Variants in CCDC3 observed in about 807,000 individuals in gnomAD.
The protein encoded by CCDC3 is coiled-coil domain-containing protein 3.
In CCDC3, 24 loss-of-function variants were observed where a neutral mutation model predicts 21.4. The observed-to-expected ratio is 1.12, with a 90% CI of 0.81 to 1.58. The LOEUF is 1.58. Among genes scored for constraint, CCDC3 ranks in the 40% most tolerant of loss-of-function variants. The pLI is 0.00. For synonymous variants in CCDC3, 186 were observed against 166.0 expected (o/e 1.12, Z -0.93); for missense variants, 425 against 360.9 (o/e 1.18, Z -1.44).
At chr10:12,998,191 G>T in intron 2 of CCDC3, 147 bp downstream of exon 2, 1 of 755,880 alleles carries the variant, frequency 1.3e-6, no homozygotes, top group Non-Finnish European at 2.0e-6. Context: ...AGGTAAGGAG[G>T]GATAGCAGGA....
intron 5 of CCDC3, among the ~76,000 whole-genome samples, chr10:13,039,988 G>T (rs775373966): frequency 4.0e-5 from 6 of 151,712 alleles, no homozygotes; most frequent in Non-Finnish European, 8.8e-5. Context: ...AATGGTCTCT[G>T]GCATCCTCCC....
chr10:12,969,646 ATG>A (rs988743461), intron 2 of CCDC3, among the ~76,000 whole-genome samples: 3 of 150,360 alleles, frequency 2.0e-5, no homozygotes, highest in African/African-American at 7.3e-5. Flanking sequence ...TATAATATAT[ATG>A]GTAGGATATT....
chr10:13,099,194 C>T (rs1022048885), exon 2 of CCDC3: 1 of 152,482 alleles, frequency 6.6e-6, no homozygotes, highest in Non-Finnish European at 1.5e-5. Flanking sequence ...CTGCCCTGCT[C>T]TTGGGGTTAG....
chr10:13,063,138 C>T (rs189443192), intron 4 of CCDC3, among the ~76,000 whole-genome samples: 86 of 113,938 alleles, frequency 7.5e-4, no homozygotes, highest in African/African-American at 2.8e-3. Context: ...CTTTGCTCCC[C>T]GAATGTTCGG....
chr10:12,905,511 C>T (rs928343903), intron 2 of CCDC3, among the ~76,000 whole-genome samples: 1 of 152,222 alleles, frequency 6.6e-6, no homozygotes, highest in Non-Finnish European at 1.5e-5. Context: ...GAAAAAAACA[C>T]CTGGTGCCAG....
At chr10:12,951,822 A>AAAAC (rs1302135001) in intron 2 of CCDC3, among the ~76,000 whole-genome samples, 1 of 151,132 alleles carries the variant, frequency 6.6e-6, no homozygotes, top group Non-Finnish European at 1.5e-5. Context: ...AAAAAAAAAA[A>AAAAC]AAAAAGTTGT....
At chr10:12,918,973 G>T (rs183330931) in intron 2 of CCDC3, among the ~76,000 whole-genome samples, 1 of 152,064 alleles carries the variant, frequency 6.6e-6, no homozygotes, top group Non-Finnish European at 1.5e-5. Flanking sequence ...GAGAATGGGC[G>T]TGAACCCGGG....
chr10:13,059,370 C>T (rs607742), intron 4 of CCDC3, among the ~76,000 whole-genome samples: 87,872 of 151,978 alleles, frequency 0.58, 26,389 homozygotes, highest in African/African-American at 0.74. Context: ...TAAGTTTTTA[C>T]TGGTTAAGCA....
At chr10:12,951,804 CAAAAAA>C (rs71924811) in intron 2 of CCDC3, among the ~76,000 whole-genome samples, 17 of 60,492 alleles carry the variant, frequency 2.8e-4, no homozygotes, top group African/African-American at 1.3e-3. Context: ...GACTTCATCT[CAAAAAA>C]AAAAAAAAAA....
At chr10:12,996,503 T>G (rs1455825975) in intron 2 of CCDC3, among the ~76,000 whole-genome samples, 1 of 152,126 alleles carries the variant, frequency 6.6e-6, no homozygotes, top group East Asian at 1.9e-4. Context: ...GCCCAGCTAA[T>G]TTTTGTATTT....
chr10:13,091,790 G>C (rs1267858861), intron 3 of CCDC3, among the ~76,000 whole-genome samples: 4 of 134,854 alleles, frequency 3.0e-5, no homozygotes, highest in Non-Finnish European at 4.6e-5. Context: ...CTAAGTGTCT[G>C]ATTTCAAGCT....
upstream of CCDC3, among the ~76,000 whole-genome samples, chr10:13,003,443 A>G (rs1344305588): frequency 6.6e-6 from 1 of 152,236 alleles, no homozygotes; most frequent in African/African-American, 2.4e-5. Flanking sequence ...CATGTACTTA[A>G]CTACAACACT....
chr10:13,073,980 G>A (rs1836918602), exon 4 of CCDC3: 1 of 126,446 alleles, frequency 7.9e-6, no homozygotes, highest in African/African-American at 3.0e-5. Flanking sequence ...ATCATTCCAA[G>A]TCTTTGTAAG....
At chr10:13,060,479 A>G (rs1360149468) in intron 4 of CCDC3, among the ~76,000 whole-genome samples, 2 of 152,142 alleles carry the variant, frequency 1.3e-5, no homozygotes, top group Non-Finnish European at 2.9e-5. Flanking sequence ...AGAGTCCCCA[A>G]GGCCAAAGGA....
At chr10:12,973,621 A>C (rs984795831) in intron 2 of CCDC3, among the ~76,000 whole-genome samples, 2 of 152,226 alleles carry the variant, frequency 1.3e-5, no homozygotes, top group African/African-American at 4.8e-5. Context: ...ATAAGGTGTC[A>C]GTTTCCTTTT....
At chr10:13,035,793 G>A (rs750161241) in intron 5 of CCDC3, among the ~76,000 whole-genome samples, 5 of 152,150 alleles carry the variant, frequency 3.3e-5, no homozygotes, top group South Asian at 4.1e-4. Flanking sequence ...AGCAACAAAC[G>A]AAACCCTTTC....
intron 5 of CCDC3, among the ~76,000 whole-genome samples, chr10:13,035,413 G>A (rs940721056): frequency 1.3e-5 from 2 of 152,164 alleles, no homozygotes; most frequent in Non-Finnish European, 2.9e-5. Context: ...AGCTGGTAAA[G>A]AAGATAAGTC....
chr10:12,998,673 C>T (rs1835800516), intron 1 of CCDC3, among the ~76,000 whole-genome samples, 161 bp from the exon 2 acceptor site: 1 of 151,638 alleles, frequency 6.6e-6, no homozygotes, highest in African/African-American at 2.4e-5. Flanking sequence ...TTCTTTGTCT[C>T]ACGCTACATC....
At chr10:13,030,858 AC>A (rs1836290227) in intron 5 of CCDC3, among the ~76,000 whole-genome samples, 1 of 152,162 alleles carries the variant, frequency 6.6e-6, no homozygotes. Flanking sequence ...GTCCTTAGAG[AC>A]CTACAAAGAG....
Sources: allele counts gnomAD v4.1 joint callset (sites outside exome capture counted in the v4.1 genomes callset), GRCh38; gene constraint gnomAD v4.1.1; transcripts MANE v1.5; gene names NCBI Gene and HGNC (gene_info 2026-07-23, HGNC 2026-07-21).